TNR: variants seen among roughly 807,000 people sequenced by gnomAD.
TNR encodes tenascin-R.
Under a neutral mutation model 150.4 loss-of-function variants are expected in TNR, and 45 were observed. That is an observed-to-expected ratio of 0.30 (90% CI 0.24 to 0.38). The LOEUF is 0.38. TNR is among the 10% of genes least tolerant of loss of function. TNR has a pLI of 1.00. For missense variants in TNR, 1,544 were observed against 1,759.1 expected (o/e 0.88, Z 2.19); for synonymous variants, 687 against 678.4 (o/e 1.01, Z -0.20).
chr1:175,425,640 C>T (rs1249187167), intron 2 of TNR, among the ~76,000 whole-genome samples: 2 of 152,206 alleles, frequency 1.3e-5, no homozygotes, highest in Non-Finnish European at 2.9e-5. Flanking sequence ...TTGACCACCA[C>T]TGAGCAGGGT....
intron 2 of TNR, among the ~76,000 whole-genome samples, chr1:175,524,896 T>G (rs1237340861): frequency 2.6e-5 from 4 of 152,288 alleles, no homozygotes; most frequent in Middle Eastern, 6.8e-3. Flanking sequence ...ATGCTTAATT[T>G]CCTGAGATGT....
intron 1 of TNR, among the ~76,000 whole-genome samples, chr1:175,742,154 G>A (rs954495939): frequency 1.6e-4 from 25 of 152,186 alleles, no homozygotes; most frequent in African/African-American, 6.0e-4. Context: ...GCAGGGAATT[G>A]ACTGAACATA....
chr1:175,432,407 C>T (rs1190829916), intron 2 of TNR, among the ~76,000 whole-genome samples: 3 of 152,182 alleles, frequency 2.0e-5, no homozygotes, highest in Admixed American at 2.0e-4. Context: ...GCTCCAGAAC[C>T]AGGAATCTAA....
intron 1 of TNR, among the ~76,000 whole-genome samples, chr1:175,633,462 G>A (rs929983532): frequency 1.3e-5 from 2 of 152,188 alleles, no homozygotes; most frequent in African/African-American, 4.8e-5. Context: ...TATGGGACAA[G>A]AGGTTTTGGT....
Position 175,599,759 on chromosome 1 carries a change from C to A in TNR, c.-164-71390G>T, listed in dbSNP as rs955009511. Among the ~76,000 whole-genome samples, 1 of 152,242 alleles carries A rather than the reference C, an allele frequency of 6.6e-6. No homozygotes were observed. Among genetic ancestry groups the A allele is most frequent in the African/African-American group, 2.4e-5 (1 of 41,456 alleles). On this transcript the variant is annotated intron_variant, in intron 1 of 22. Transcript: ENST00000367674. The surrounding 1 kb of genome is among the most constrained non-coding windows in gnomAD (Gnocchi z 4.7). ...GTGAGACCCATTGGCGGGTTCCCTG[C>A]CACCAATATGCAGTCTCACAACCGT...
intron 1 of TNR, among the ~76,000 whole-genome samples, chr1:175,598,662 G>C (rs1166962188): frequency 1.3e-5 from 2 of 152,230 alleles, no homozygotes; most frequent in Admixed American, 1.3e-4. Flanking sequence ...CAAATGAATA[G>C]AGGTACATTT....
chr1:175,442,907 G>C (rs1487835686), intron 2 of TNR, among the ~76,000 whole-genome samples: 1 of 149,560 alleles, frequency 6.7e-6, no homozygotes, highest in Non-Finnish European at 1.5e-5. Flanking sequence ...TGTATACCTT[G>C]TTGTAAAATA....
chr1:175,485,127 A>C (rs943481025), intron 2 of TNR, among the ~76,000 whole-genome samples: 40 of 152,120 alleles, frequency 2.6e-4, no homozygotes, highest in Admixed American at 6.6e-5. Context: ...CCCAGATGAA[A>C]ATGTGTCTGA....
intron 2 of TNR, among the ~76,000 whole-genome samples, chr1:175,460,351 A>G (rs566422549): frequency 6.6e-6 from 1 of 152,224 alleles, no homozygotes; most frequent in South Asian, 2.1e-4. Context: ...GGCTTTGGAA[A>G]AATACAGAGA....
At chr1:175,532,903 CCA>C (rs1443741227) in intron 1 of TNR, among the ~76,000 whole-genome samples, 4 of 152,036 alleles carry the variant, frequency 2.6e-5, no homozygotes, top group Non-Finnish European at 5.9e-5. Flanking sequence ...ACGGTGGAAG[CCA>C]CAGTGTCTTA....
rs371396062 is a variant in TNR at position 175,587,650 on chromosome 1, A to G, written c.-164-59281T>C. 2.0e-5 allele frequency among the ~76,000 whole-genome samples: 3 copies of G among 152,344 alleles called. No individual in the cohort carries two copies. The South Asian group carries it at 6.2e-4, about 32-fold the overall frequency. On this transcript the variant is annotated intron_variant, in intron 1 of 22. Coordinates refer to ENST00000367674, the MANE Select transcript of TNR (RefSeq NM_003285.3). ...CATTGATTCTTAATTCTGGCTACAC[A>G]AAAGAATTACATGGACTTTAAAAAA...
chr1:175,517,732 A>G (rs1355257047), intron 2 of TNR, among the ~76,000 whole-genome samples: 1 of 152,192 alleles, frequency 6.6e-6, no homozygotes, highest in African/African-American at 2.4e-5. Context: ...TGTGTTTCAT[A>G]CACACTTCCT....
intron 2 of TNR, among the ~76,000 whole-genome samples, chr1:175,523,917 C>T (rs1659746409): frequency 6.6e-6 from 1 of 152,172 alleles, no homozygotes; most frequent in African/African-American, 2.4e-5. Flanking sequence ...TACATAGCAG[C>T]GTCTACACGT....
At chr1:175,354,293 TGATAAACTGC>T in intron 18 of TNR, 88 bp downstream of exon 18, 1 of 1,488,388 alleles carries the variant, frequency 6.7e-7, no homozygotes, top group Admixed American at 2.3e-5. Flanking sequence ...TGAGCTTTTT[TGATAAACTGC>T]TCCCAGAGCA....
chr1:175,553,949 C>T (rs550469219), intron 1 of TNR, among the ~76,000 whole-genome samples: 1 of 152,180 alleles, frequency 6.6e-6, no homozygotes, highest in South Asian at 2.1e-4. Context: ...AAACTCTAGG[C>T]ATCCCACAAA....
intron 2 of TNR, among the ~76,000 whole-genome samples, chr1:175,511,898 T>C (rs144283190): frequency 6.6e-6 from 1 of 152,332 alleles, no homozygotes; most frequent in Non-Finnish European, 1.5e-5. Context: ...CTAAGCATGA[T>C]ATTATTACAT....
intron 11 of TNR, 127 bp downstream of exon 11, chr1:175,365,748 C>T (rs564255667): frequency 4.3e-6 from 6 of 1,398,320 alleles, no homozygotes; most frequent in South Asian, 1.4e-5. Context: ...TTACTCTATC[C>T]TTTTCTACCC....
chr1:175,395,724 A>G (rs1244558481), intron 5 of TNR, among the ~76,000 whole-genome samples: 1 of 152,230 alleles, frequency 6.6e-6, no homozygotes, highest in Non-Finnish European at 1.5e-5. Flanking sequence ...CAATTTAAGA[A>G]TTCAGAGGGG....
At chr1:175,542,654 T>A (rs113431903) in intron 1 of TNR, among the ~76,000 whole-genome samples, 1 of 152,196 alleles carries the variant, frequency 6.6e-6, no homozygotes, top group African/African-American at 2.4e-5. Flanking sequence ...ACAAGCAATT[T>A]TTTCATAATT....
Sources: allele counts gnomAD v4.1 joint callset (sites outside exome capture counted in the v4.1 genomes callset), GRCh38; gene constraint gnomAD v4.1.1; non-coding constraint Gnocchi (gnomAD v3.1); transcripts MANE v1.5; gene names NCBI Gene and HGNC (gene_info 2026-07-23, HGNC 2026-07-21).